Variants in TLR2 observed in about 807,000 individuals in gnomAD.
TLR2 encodes the protein toll-like receptor 2.
A neutral mutation model predicts 9.1 loss-of-function variants in TLR2; 7 were observed. The ratio of observed to expected loss-of-function variants is 0.77; its 90% CI spans 0.44 to 1.44. The LOEUF is 1.44. Among genes scored for constraint, TLR2 ranks in the 40% most tolerant of loss-of-function variants. TLR2 has a pLI of 0.01. For missense variants in TLR2, 812 were observed against 904.6 expected (o/e 0.90, Z 1.31); for synonymous variants, 317 against 344.6 (o/e 0.92, Z 0.89).
Position 153,696,863 on chromosome 4 carries a change from CAA to C in TLR2, c.-16-6019_-16-6018del, listed in dbSNP as rs55699629. Among the ~76,000 whole-genome samples the C allele has an allele frequency of 7.2e-3, 1,075 of 149,318 alleles. 18 individuals carry two copies. The highest frequency in any genetic ancestry group is 0.024 in the African/African-American group (964 of 40,244). On this transcript the variant is annotated intron_variant, in intron 2 of 2. Coordinates refer to ENST00000642700, the MANE Select transcript of TLR2 (RefSeq NM_001318789.2). ...GGGCAATGTAGCATGAGCCCATCTA[CAA>C]AAAAAAAAAGGAATTCTAATTAATA...
intron 2 of TLR2, among the ~76,000 whole-genome samples, chr4:153,699,029 G>C (rs1036806315): frequency 6.6e-6 from 1 of 152,130 alleles, no homozygotes; most frequent in African/African-American, 2.4e-5. Flanking sequence ...CAAAAGGAGA[G>C]ATAATTAGAC....
At chr4:153,700,875 T>C (rs1468820519) in intron 2 of TLR2, among the ~76,000 whole-genome samples, 2 of 152,140 alleles carry the variant, frequency 1.3e-5, no homozygotes, top group East Asian at 3.8e-4. Context: ...AAAATATTGT[T>C]GATTATTTCC....
Position 153,704,018 on chromosome 4 carries a change from T to C in TLR2, c.1111T>C (p.Leu371=), listed in dbSNP as rs768188419. The change falls in exon 3 of 3, where the codon TTG becomes CTG. Residue 371 remains leucine, a synonymous_variant. Transcript: ENST00000642700. ...SLEYLDLSEN[L]MVEEYLKNSA... ...AGAATACTTGGATCTCAGTGAAAAT[T>C]TGATGGTTGAAGAATACTTGAAAAA... 6.2e-7 allele frequency: 1 copy of C among 1,614,038 alleles called. No individual in the cohort carries two copies. Among genetic ancestry groups the C allele is most frequent in the Non-Finnish European group, 8.5e-7 (1 of 1,180,002 alleles).
At chr4:153,710,339 T>C (rs1290898319), downstream of TLR2, 1 of 1,527,614 alleles carries the variant, frequency 6.5e-7, no homozygotes, top group Admixed American at 2.0e-5. Flanking sequence ...ATTTCAACCA[T>C]GCAGTATGTT....
intron 2 of TLR2, among the ~76,000 whole-genome samples, chr4:153,698,663 A>G (rs998492780): frequency 3.3e-5 from 5 of 152,344 alleles, no homozygotes; most frequent in East Asian, 3.9e-4. Context: ...CACAATTTTT[A>G]TAAGATAATA....
chr4:153,707,929 A>G (rs550535904), downstream of TLR2, among the ~76,000 whole-genome samples: 55 of 152,256 alleles, frequency 3.6e-4, no homozygotes, highest in Middle Eastern at 6.8e-3. Context: ...TCAAATGTTA[A>G]TCTCCTCTGG....
intron 2 of TLR2, among the ~76,000 whole-genome samples, chr4:153,691,069 A>G (rs1736080639): frequency 6.6e-6 from 1 of 152,230 alleles, no homozygotes; most frequent in Non-Finnish European, 1.5e-5. Context: ...TTACAGCTAA[A>G]GCTCCACTTT....
intron 2 of TLR2, among the ~76,000 whole-genome samples, chr4:153,697,182 G>GT (rs1000312095): frequency 3.6e-4 from 54 of 151,636 alleles, no homozygotes; most frequent in African/African-American, 8.9e-4. Context: ...AAAATTCTAA[G>GT]TTTTTTTTTA....
chr4:153,685,878 C>T (rs1179385163), intron 1 of TLR2, among the ~76,000 whole-genome samples: 2 of 152,130 alleles, frequency 1.3e-5, no homozygotes, highest in African/African-American at 2.4e-5. Flanking sequence ...GCTGCTGTAA[C>T]AAAATACCTG....
chr4:153,704,138 A>G lies in TLR2; in HGVS notation c.1231A>G (p.Thr411Ala), dbSNP rs923522511. The G allele has an allele frequency of 1.2e-6, 2 of 1,613,476 alleles. No homozygotes were observed. The highest frequency in any genetic ancestry group is 2.2e-5 in the East Asian group (1 of 44,868). ...SLEKTGETLL[T>A]LKNLTNIDIS... ...GGAAAAAACCGGAGAGACTTTGCTC[A>G]CTCTGAAAAACTTGACTAACATTGA... Residue 411 changes from threonine (T) to alanine (A), a missense_variant, in exon 3 of 3, where the codon ACT becomes GCT. By Grantham distance (58) the Thr-to-Ala change is moderately conservative (BLOSUM62 0). Transcript: ENST00000642700.
At chr4:153,707,229 A>G (rs1193179777), downstream of TLR2, among the ~76,000 whole-genome samples, 3 of 151,938 alleles carry the variant, frequency 2.0e-5, no homozygotes, top group African/African-American at 7.3e-5. Flanking sequence ...GTTTCACACG[A>G]CCTCCCAGAA....
intron 2 of TLR2, among the ~76,000 whole-genome samples, chr4:153,698,591 G>A (rs1413955988): frequency 6.6e-6 from 1 of 151,920 alleles, no homozygotes; most frequent in Admixed American, 6.6e-5. Context: ...AAAAAATATT[G>A]GTGTTATGAC....
intron 1 of TLR2, among the ~76,000 whole-genome samples, chr4:153,687,619 T>C (rs1735804058): frequency 6.6e-6 from 1 of 152,042 alleles, no homozygotes; most frequent in Admixed American, 6.5e-5. Flanking sequence ...AATTAATAGC[T>C]AAATTTCCAC....
downstream of TLR2, among the ~76,000 whole-genome samples, chr4:153,708,041 A>G (rs558931110): frequency 1.3e-5 from 2 of 152,314 alleles, no homozygotes; most frequent in Admixed American, 6.5e-5. Flanking sequence ...ATACTCTCCA[A>G]TCTTTTTTCA....
chr4:153,706,795 A>G (rs1737346303), downstream of TLR2, among the ~76,000 whole-genome samples: 2 of 152,236 alleles, frequency 1.3e-5, no homozygotes, highest in Admixed American at 1.3e-4. Context: ...ATCTTTGGCA[A>G]GTCAGTTGAC....
rs780126308 is a variant in TLR2, at chr4:153,703,002, G to T, written c.95G>T (p.Arg32Leu). The change falls in exon 3 of 3, where the codon CGC becomes CTC. Residue 32 changes from arginine to leucine, a missense_variant. By Grantham distance (102) the Arg-to-Leu change is moderately radical. Coordinates refer to ENST00000642700, the MANE Select transcript of TLR2 (RefSeq NM_001318789.2). ...AATCAGGCTTCTCTGTCTTGTGACC[G>T]CAATGGTATCTGCAAGGGCAGCTCA... ...SSNQASLSCD[R>L]NGICKGSSGS... The T allele has an allele frequency of 3.1e-6, 5 of 1,613,846 alleles. No homozygotes were observed. The highest frequency in any genetic ancestry group is 1.1e-5 in the South Asian group (1 of 91,068).
At chr4:153,709,973 C>T (rs750198113), downstream of TLR2, among the ~76,000 whole-genome samples, 5 of 152,222 alleles carry the variant, frequency 3.3e-5, no homozygotes, top group Non-Finnish European at 7.3e-5. Flanking sequence ...GATTACTTAA[C>T]GACTCCACCT....
chr4:153,704,951 G>A lies in TLR2; in HGVS notation c.2044G>A (p.Gly682Ser), dbSNP rs768296323. 9 of 1,612,934 alleles carry A rather than the reference G, an allele frequency of 5.6e-6. No homozygotes were observed. The highest frequency in any genetic ancestry group is 7.6e-6 in the Non-Finnish European group (9 of 1,180,026). ...TCTTCATAAGCGGGACTTCATTCCT[G>A]GCAAGTGGATCATTGACAATATCAT... is the stretch of plus-strand genomic sequence containing the variant. ...LCLHKRDFIPGKWIIDNIIDS... is the reference protein window; with the variant it reads ...LCLHKRDFIPSKWIIDNIIDS... The change falls in exon 3 of 3, where the codon GGC becomes AGC. Residue 682 changes from glycine (G) to serine (S), a missense_variant. Transcript: ENST00000642700.
chr4:153,693,831 G>C (rs546383959), intron 2 of TLR2, among the ~76,000 whole-genome samples: 24 of 152,286 alleles, frequency 1.6e-4, no homozygotes, highest in African/African-American at 5.8e-4. Flanking sequence ...AAGAGTACTC[G>C]GGTATCCTCC....
Sources: allele counts gnomAD v4.1 joint callset (sites outside exome capture counted in the v4.1 genomes callset), GRCh38; gene constraint gnomAD v4.1.1; transcripts MANE v1.5; gene names NCBI Gene and HGNC (gene_info 2026-07-23, HGNC 2026-07-21).